Variants in P3H2 observed in about 807,000 individuals in gnomAD.
P3H2 encodes prolyl 3-hydroxylase 2.
In P3H2, 80 loss-of-function variants were observed where a neutral mutation model predicts 87.0. The ratio of observed to expected loss-of-function variants is 0.92; its 90% CI spans 0.77 to 1.11. The LOEUF is 1.11. Ranked by LOEUF, P3H2 falls within the 50% of genes least tolerant of loss-of-function variation. The pLI is 0.00. For missense variants in P3H2, 1,001 were observed against 923.9 expected (o/e 1.08, Z -1.08); for synonymous variants, 367 against 359.3 (o/e 1.02, Z -0.24).
intron 14 of P3H2, among the ~76,000 whole-genome samples, chr3:189,961,004 G>A (rs963043295): frequency 3.3e-5 from 5 of 151,164 alleles, no homozygotes; most frequent in Non-Finnish European, 5.9e-5. Context: ...GCAGTGGTGC[G>A]ATCTCGGGTT....
chr3:189,995,319 A>G lies in P3H2; in HGVS notation c.604T>C (p.Leu202=), dbSNP rs750887061. The G allele has an allele frequency of 1.9e-5, 30 of 1,613,988 alleles. No homozygotes were observed. The highest frequency in any genetic ancestry group is 2.5e-5 in the Non-Finnish European group (30 of 1,180,040). ...RATAGVEALQ[L]VDREAKPHME... The stretch of plus-strand genomic sequence containing the variant: ...TGTGGCTTGGCTTCTCTGTCTACCA[A>G]CTGCAATGCTTCAACACCAGCTGTC... Residue 202 remains leucine (L), a synonymous_variant, in exon 2 of 15, where the codon TTG becomes CTG. Coordinates refer to ENST00000319332, the MANE Select transcript of P3H2 (RefSeq NM_018192.4).
chr3:190,011,073 G>A (rs535236011), intron 1 of P3H2, among the ~76,000 whole-genome samples: 12 of 152,150 alleles, frequency 7.9e-5, no homozygotes, highest in Admixed American at 1.3e-4. Flanking sequence ...AGATTGAGAC[G>A]ATCCTGGCCA....
intron 1 of P3H2, among the ~76,000 whole-genome samples, chr3:189,999,672 A>G (rs1241182890): frequency 2.0e-5 from 3 of 152,214 alleles, no homozygotes; most frequent in African/African-American, 7.2e-5. Context: ...AAACCACAGG[A>G]GCGAGTAAGT....
At chr3:190,015,761 G>T (rs1483017957) in intron 1 of P3H2, among the ~76,000 whole-genome samples, 1 of 152,234 alleles carries the variant, frequency 6.6e-6, no homozygotes, top group Non-Finnish European at 1.5e-5. Flanking sequence ...CCCTGACCAA[G>T]CTAAGGTTGA....
chr3:190,068,708 T>C (rs558794413), intron 1 of P3H2, among the ~76,000 whole-genome samples: 1 of 152,210 alleles, frequency 6.6e-6, no homozygotes, highest in East Asian at 1.9e-4. Flanking sequence ...GAAGTTGCGA[T>C]TTCCTGAGGG....
chr3:190,067,589 T>C (rs74432175), intron 1 of P3H2, among the ~76,000 whole-genome samples: 23,731 of 152,128 alleles, frequency 0.16, 2,683 homozygotes, highest in African/African-American at 0.32. Flanking sequence ...CTCTGGTATA[T>C]TAATTTAAAA....
chr3:190,030,706 C>T (rs1725225158), intron 1 of P3H2, among the ~76,000 whole-genome samples: 1 of 151,902 alleles, frequency 6.6e-6, no homozygotes, highest in African/African-American at 2.4e-5. Context: ...AGTAAACATG[C>T]TATAGTAAAT....
chr3:190,079,888 G>T (rs909101194), intron 1 of P3H2, among the ~76,000 whole-genome samples: 1 of 152,188 alleles, frequency 6.6e-6, no homozygotes, highest in Non-Finnish European at 1.5e-5. Context: ...AAGGGGACAG[G>T]AGAGTATTAA....
chr3:190,103,375 T>A (rs1433999983), intron 1 of P3H2, among the ~76,000 whole-genome samples: 1 of 152,222 alleles, frequency 6.6e-6, no homozygotes, highest in Non-Finnish European at 1.5e-5. Flanking sequence ...CATAAGACTA[T>A]CAGACTTAAT....
chr3:189,974,257 C>A, intron 9 of P3H2: 1 of 589,670 alleles, frequency 1.7e-6, no homozygotes, highest in Non-Finnish European at 3.0e-6. Flanking sequence ...TGATATATTG[C>A]CTAATAATTA....
In P3H2 at chr3:190,041,027, TATATATATATACAC is replaced by T. The variant is rs1455162699; in HGVS notation, c.481-45599_481-45586del. Among the ~76,000 whole-genome samples, 5 of 29,726 alleles carry T rather than the reference TATATATATATACAC, an allele frequency of 1.7e-4. 2 individuals are homozygous for T. The East Asian group carries it at 2.9e-3, about 17-fold the overall frequency. 19.5% of individuals were successfully genotyped at this position (29,726 alleles called of 152,430 possible). ...GGCAAAACCATGGCTCTACTATATA[TATATATATATACAC>T]ACACACACACACACACACACACACA... On this transcript the variant is annotated intron_variant, in intron 1 of 14. Transcript: ENST00000319332.
intron 1 of P3H2, among the ~76,000 whole-genome samples, chr3:190,051,796 C>T (rs1725992250): frequency 6.6e-6 from 1 of 152,138 alleles, no homozygotes; most frequent in African/African-American, 2.4e-5. Flanking sequence ...AAAGGGCGTT[C>T]AAAACAAAAA....
chr3:190,117,731 C>T (rs7640114), intron 1 of P3H2, among the ~76,000 whole-genome samples: 6,425 of 126,046 alleles, frequency 0.051, 345 homozygotes, highest in African/African-American at 0.14. Context: ...AAGGCTAAAA[C>T]TGGGGCTTTC....
At chr3:190,015,276 T>G (rs563715469) in intron 1 of P3H2, among the ~76,000 whole-genome samples, 1 of 152,352 alleles carries the variant, frequency 6.6e-6, no homozygotes, top group East Asian at 1.9e-4. Context: ...GACACATGAT[T>G]TTTAAGATGA....
At position 189,957,855 on chromosome 3, in the gene P3H2, G is replaced by T. The variant is rs999097186; in HGVS notation, c.*57C>A. On this transcript the variant is annotated 3_prime_UTR_variant, in exon 15 of 15. Coordinates refer to ENST00000319332, the MANE Select transcript of P3H2 (RefSeq NM_018192.4). ...CCATGGCTCTGTACAAAAATAAAAA[G>T]GTTCTCATAAGATTAACAATTTAAA... The T allele has an allele frequency of 3.4e-5, 41 of 1,201,316 alleles. No homozygotes were observed. Among genetic ancestry groups the T allele is most frequent in the Non-Finnish European group, 4.6e-5 (37 of 811,224 alleles). 74.4% of individuals were successfully genotyped at this position (1,201,316 alleles called of 1,614,324 possible).
intron 1 of P3H2, among the ~76,000 whole-genome samples, chr3:190,061,628 T>C (rs971311960): frequency 2.0e-5 from 3 of 152,198 alleles, no homozygotes; most frequent in African/African-American, 7.2e-5. Context: ...GATGATTTCT[T>C]ACTCTTCATT....
chr3:190,024,530 C>CAAAAAAAAAAA (rs71635314), intron 1 of P3H2, among the ~76,000 whole-genome samples: 21 of 52,862 alleles, frequency 4.0e-4, no homozygotes, highest in Admixed American at 7.5e-4. Flanking sequence ...GGTTCCCTCT[C>CAAAAAAAAAAA]AAAAAAAAAA....
At chr3:190,054,346 T>C (rs1473169070) in intron 1 of P3H2, among the ~76,000 whole-genome samples, 1 of 152,070 alleles carries the variant, frequency 6.6e-6, no homozygotes, top group African/African-American at 2.4e-5. Flanking sequence ...GGTGAAGCCA[T>C]CAGCCACGAC....
At chr3:190,098,552 G>A (rs1338749459) in intron 1 of P3H2, among the ~76,000 whole-genome samples, 1 of 152,076 alleles carries the variant, frequency 6.6e-6, no homozygotes, top group Non-Finnish European at 1.5e-5. Flanking sequence ...ACTATTCTAA[G>A]TGCCTAACTT....
Sources: gnomAD v4.1 joint callset for allele counts (sites outside exome capture counted in the v4.1 genomes callset) on GRCh38, gnomAD v4.1.1 for gene constraint, MANE v1.5 for transcripts, NCBI Gene and HGNC (gene_info 2026-07-23, HGNC 2026-07-21) for gene names.